Variants in BIRC6 observed in about 807,000 individuals in gnomAD.
BIRC6 encodes the protein dual E2 ubiquitin-conjugating enzyme/E3 ubiquitin-protein ligase BIRC6.
BIRC6 carries 98 observed loss-of-function variants against 503.3 expected under a neutral mutation model. The ratio of observed to expected loss-of-function variants is 0.19; its 90% CI spans 0.17 to 0.23. The LOEUF is 0.23. BIRC6 is among the 10% of genes least tolerant of loss of function. The probability of loss-of-function intolerance (pLI) is 1.00; values close to 1 mark genes in which losing one functional copy is unlikely to be tolerated. For missense variants in BIRC6, 5,360 were observed against 5,806.0 expected (o/e 0.92, Z 2.50); for synonymous variants, 2,240 against 2,078.7 (o/e 1.08, Z -2.11).
At chr2:32,451,105 C>T (rs2046673593) in intron 22 of BIRC6, among the ~76,000 whole-genome samples, 1 of 152,220 alleles carries the variant, frequency 6.6e-6, no homozygotes, top group East Asian at 1.9e-4. Context: ...GGTCTGCCTA[C>T]ATCTGTTCTT....
chr2:32,391,455 T>G (rs2039218616), intron 4 of BIRC6, among the ~76,000 whole-genome samples: 1 of 152,218 alleles, frequency 6.6e-6, no homozygotes, highest in Admixed American at 6.5e-5. Flanking sequence ...AAACTGAGAA[T>G]GCATTTCTAA....
intron 66 of BIRC6, among the ~76,000 whole-genome samples, chr2:32,578,923 A>G (rs1463689074): frequency 1.4e-5 from 2 of 143,458 alleles, no homozygotes; most frequent in Non-Finnish European, 3.0e-5. Context: ...TGTATTTGGT[A>G]TGGTTCTTTT....
intron 46 of BIRC6, 116 bp from the exon 47 acceptor site, chr2:32,501,597 C>T (rs1359775725): frequency 7.7e-6 from 6 of 775,630 alleles, no homozygotes; most frequent in African/African-American, 3.5e-5. Flanking sequence ...TTTTGAACTC[C>T]TGAAGTCAGG....
At chr2:32,422,247 C>G (rs2043026017) in intron 10 of BIRC6, among the ~76,000 whole-genome samples, 1 of 152,128 alleles carries the variant, frequency 6.6e-6, no homozygotes, top group African/African-American at 2.4e-5. Flanking sequence ...TAACCTGTAC[C>G]TTTTAAATTT....
rs1210350892 is a variant in BIRC6 at position 32,431,001 on chromosome 2, G to A, written c.3159G>A (p.Gln1053=). The A allele has an allele frequency of 6.2e-7, 1 of 1,613,318 alleles. No homozygotes were observed. Among genetic ancestry groups the A allele is most frequent in the Admixed American group, 1.7e-5 (1 of 59,948 alleles). ...GCTGGGTAGAAGTTCAACAAGAACA[G>A]CAGCAAAGGAGGCATCCTCAACATT... The part of the protein sequence containing the change: ...PPCWVEVQQE[Q]QQRRHPQHLH... Residue 1053 remains glutamine, a synonymous_variant, in exon 12 of 74, where the codon CAG becomes CAA. Coordinates refer to ENST00000421745, the MANE Select transcript of BIRC6 (RefSeq NM_016252.4).
chr2:32,606,046 G>A (rs2062426716), intron 71 of BIRC6, among the ~76,000 whole-genome samples: 1 of 152,056 alleles, frequency 6.6e-6, no homozygotes, highest in South Asian at 2.1e-4. Context: ...ATATCCATGG[G>A]ACTGTTTAAT....
At chr2:32,411,866 A>G (rs2041926043) in intron 9 of BIRC6, among the ~76,000 whole-genome samples, 1 of 152,330 alleles carries the variant, frequency 6.6e-6, no homozygotes, top group Non-Finnish European at 1.5e-5. Flanking sequence ...GAGACAGATC[A>G]GTGGAAAGAA....
intron 66 of BIRC6, among the ~76,000 whole-genome samples, chr2:32,589,611 A>G (rs1263616734): frequency 1.3e-5 from 2 of 152,152 alleles, no homozygotes; most frequent in Non-Finnish European, 2.9e-5. Flanking sequence ...TTATACCCAT[A>G]TATTTCTTTA....
At chr2:32,516,865 ATTTTAATT>A (rs897382129) in intron 55 of BIRC6, among the ~76,000 whole-genome samples, 3 of 152,098 alleles carry the variant, frequency 2.0e-5, no homozygotes, top group African/African-American at 7.2e-5. Flanking sequence ...ACAGTTAAAT[ATTTTAATT>A]TGTGTAACAT....
rs1029221752 is a variant in BIRC6, at chr2:32,546,137, C to T, written c.12810+277C>T. ...GATACACTGAATTTATACTGTGATCCTTCTTCCTTTCCTTTTTGAACTTTT... is the reference window on the plus strand; with the variant it reads ...GATACACTGAATTTATACTGTGATCTTTCTTCCTTTCCTTTTTGAACTTTT... On this transcript the variant is annotated intron_variant, in intron 63 of 73. Transcript: ENST00000421745. Among the ~76,000 whole-genome samples the T allele has an allele frequency of 2.0e-5, 3 of 152,146 alleles. No homozygotes were observed. In the East Asian group the frequency reaches 5.8e-4, roughly 29 times the overall value.
At chr2:32,429,086 A>G in intron 10 of BIRC6, 60 bp from the exon 11 acceptor site, 4 of 1,386,402 alleles carry the variant, frequency 2.9e-6, no homozygotes, top group Non-Finnish European at 3.9e-6. Context: ...GTAGTATTAC[A>G]TTTGAATATT....
chr2:32,603,723 A>G (rs968006809), intron 71 of BIRC6, among the ~76,000 whole-genome samples: 40 of 152,210 alleles, frequency 2.6e-4, no homozygotes, highest in Admixed American at 9.8e-4. Flanking sequence ...GACTCTATCT[A>G]AAAAATAAAA....
rs1319026833 is a variant in BIRC6 at position 32,554,680 on chromosome 2, A to G, written c.13144+5199A>G. Among the ~76,000 whole-genome samples, 45 of 152,082 alleles carry G rather than the reference A, an allele frequency of 3.0e-4. 1 individual carries two copies. Among genetic ancestry groups the G allele is most frequent in the Admixed American group, 2.9e-3 (45 of 15,262 alleles). On this transcript the variant is annotated intron_variant, in intron 65 of 73. Transcript: ENST00000421745. The stretch of plus-strand genomic sequence containing the variant: ...TTATAACAAACTATAATGTGTCAAA[A>G]CCCATTACTGCATTTTGATATACCA...
chr2:32,610,453 A>G lies in BIRC6; in HGVS notation c.14260-995A>G, dbSNP rs563543572. Among the ~76,000 whole-genome samples the G allele has an allele frequency of 9.8e-5, 15 of 152,354 alleles. 1 individual carries two copies. The highest frequency in any genetic ancestry group is 3.4e-3 in the Middle Eastern group (1 of 294). The stretch of plus-strand genomic sequence containing the variant: ...AACTTCCTAAAATAAAATCCCATCT[A>G]TAAATTAAACAGAAGATAAAATTAA... On this transcript the variant is annotated intron_variant, in intron 72 of 73. Coordinates refer to ENST00000421745, the MANE Select transcript of BIRC6 (RefSeq NM_016252.4).
chr2:32,541,667 G>C (rs1362305128), intron 61 of BIRC6, among the ~76,000 whole-genome samples: 1 of 152,100 alleles, frequency 6.6e-6, no homozygotes, highest in Admixed American at 6.5e-5. Context: ...CTTCAAATTA[G>C]TATTTAGTGA....
At chr2:32,508,303 T>TTTTTG (rs1261646792) in intron 51 of BIRC6, 44 bp downstream of exon 51, 8 of 1,274,944 alleles carry the variant, frequency 6.3e-6, no homozygotes, top group African/African-American at 1.8e-5. Flanking sequence ...TTTTTTTTTT[T>TTTTTG]GGCATGGTTG....
At chr2:32,606,135 T>C (rs917510457) in intron 71 of BIRC6, among the ~76,000 whole-genome samples, 3 of 152,248 alleles carry the variant, frequency 2.0e-5, no homozygotes, top group African/African-American at 7.2e-5. Flanking sequence ...TTTTCCTGCC[T>C]TCAAAGATGT....
At chr2:32,609,285 CTGTG>C (rs58379253) in intron 72 of BIRC6, among the ~76,000 whole-genome samples, 128 of 147,646 alleles carry the variant, frequency 8.7e-4, no homozygotes, top group African/African-American at 2.8e-3. Flanking sequence ...AAGTGTGGCT[CTGTG>C]TGTGTGTGTG....
At chr2:32,383,014 A>G (rs114415805) in intron 3 of BIRC6, among the ~76,000 whole-genome samples, 4,633 of 149,934 alleles carry the variant, frequency 0.031, 138 homozygotes, top group African/African-American at 0.084. Context: ...GAGCCACCGC[A>G]CGTGGCCTGG....
Sources: gnomAD v4.1 joint callset for allele counts (sites outside exome capture counted in the v4.1 genomes callset) on GRCh38, gnomAD v4.1.1 for gene constraint, MANE v1.5 for transcripts, NCBI Gene and HGNC (gene_info 2026-07-23, HGNC 2026-07-21) for gene names.